OR6C2: variants seen among roughly 807,000 people sequenced by gnomAD.
OR6C2 encodes olfactory receptor family 6 subfamily C member 2, also known as olfactory receptor 6C2.
For synonymous variants in OR6C2, 146 were observed against 134.2 expected, an observed-to-expected ratio of 1.09 and a Z score of -0.61; for missense variants, 435 against 365.8, an observed-to-expected ratio of 1.19 and a Z score of -1.54.
At chr12:55,446,858 A>G (rs966795062) in intron 1 of OR6C2, among the ~76,000 whole-genome samples, 3 of 152,220 alleles carry the variant, frequency 2.0e-5, no homozygotes, top group Non-Finnish European at 4.4e-5. Flanking sequence ...GAGGCTGGTT[A>G]AACTCAAAGT....
intron 1 of OR6C2, among the ~76,000 whole-genome samples, chr12:55,448,645 A>AAAAAAAAAAAAAAAG (rs1555179342): frequency 4.6e-4 from 63 of 137,096 alleles, no homozygotes; most frequent in African/African-American, 1.4e-3. Flanking sequence ...ATTCACTGCA[A>AAAAAAAAAAAAAAAG]AAAAAAAAAA....
chr12:55,445,821 A>G (rs1471993764), intron 1 of OR6C2, among the ~76,000 whole-genome samples: 1 of 152,196 alleles, frequency 6.6e-6, no homozygotes, highest in Admixed American at 6.5e-5. Context: ...AAGGGCGGGC[A>G]ACAAACTTCC....
chr12:55,453,325 C>G lies in OR6C2; in HGVS notation c.*173C>G, dbSNP rs1247673619. 1 of 565,108 alleles carries G rather than the reference C, an allele frequency of 1.8e-6. No individual in the cohort carries two copies. Among genetic ancestry groups the G allele is most frequent in the African/African-American group, 1.9e-5 (1 of 53,182 alleles). The allele number at this position is 565,108 out of a possible 1,614,324, so 35.0% of individuals were successfully genotyped here. Reference sequence around the variant, plus strand: ...TATCAAAATCCTTATTATTTCGAACCAAGGTCATACATTGTGTTTTCCCTC... The same window carrying G: ...TATCAAAATCCTTATTATTTCGAACGAAGGTCATACATTGTGTTTTCCCTC... On this transcript the variant is annotated 3_prime_UTR_variant, in exon 2 of 2. Transcript: ENST00000641202.
In OR6C2 at chr12:55,452,895, T is replaced by C; in HGVS notation, c.682T>C (p.Ser228Pro). The change falls in exon 2 of 2, where the codon TCT becomes CCT. Residue 228 changes from serine to proline, a missense_variant. Ser to Pro is a moderately conservative substitution (Grantham distance 74). Transcript: ENST00000641202. Reference sequence around the variant, plus strand: ...AGTCAGAACAATTCTGAAGTTCCCTTCTGTTCAGCAAAGGAAAAAGGCCTT... The same window carrying C: ...AGTCAGAACAATTCTGAAGTTCCCTCCTGTTCAGCAAAGGAAAAAGGCCTT... ...YIVRTILKFPSVQQRKKAFST... is the reference protein window; with the variant it reads ...YIVRTILKFPPVQQRKKAFST... 1 of 1,613,854 alleles carries C rather than the reference T, an allele frequency of 6.2e-7. No individual in the cohort carries two copies. The highest frequency in any genetic ancestry group is 1.7e-4 in the Middle Eastern group (1 of 6,060).
At chr12:55,450,342 A>G (rs1198379948) in intron 1 of OR6C2, among the ~76,000 whole-genome samples, 1 of 152,128 alleles carries the variant, frequency 6.6e-6, no homozygotes, top group Non-Finnish European at 1.5e-5. Context: ...AAGAGCATGT[A>G]GAAAATTGAA....
chr12:55,446,780 C>T (rs780506472), intron 1 of OR6C2, among the ~76,000 whole-genome samples: 29 of 151,558 alleles, frequency 1.9e-4, no homozygotes, highest in Non-Finnish European at 3.8e-4. Context: ...CACTCTTAGT[C>T]AATACAATAT....
At chr12:55,446,212 A>G (rs533219151) in intron 1 of OR6C2, among the ~76,000 whole-genome samples, 24 of 151,700 alleles carry the variant, frequency 1.6e-4, no homozygotes, top group African/African-American at 5.8e-4. Flanking sequence ...TGCAATGGCG[A>G]GATCTTGGCT....
chr12:55,453,134 A>C lies in OR6C2; in HGVS notation c.921A>C (p.Ala307=). 2 of 1,611,466 alleles carry C rather than the reference A, an allele frequency of 1.2e-6. No individual in the cohort carries two copies. The highest frequency in any genetic ancestry group is 1.7e-6 in the Non-Finnish European group (2 of 1,178,572). ...QAFSDSIKRI[A]FLSKK Reference sequence around the variant, plus strand: ...TCAGTGACTCTATAAAGAGGATTGCATTTCTCTCAAAGAAGTAGAAGCTGT... The same window carrying C: ...TCAGTGACTCTATAAAGAGGATTGCCTTTCTCTCAAAGAAGTAGAAGCTGT... The change falls in exon 2 of 2, where the codon GCA becomes GCC. Residue 307 remains alanine, a synonymous_variant. Coordinates refer to ENST00000641202, the MANE Select transcript of OR6C2 (RefSeq NM_054105.2).
At chr12:55,449,442 A>G (rs1871426968) in intron 1 of OR6C2, among the ~76,000 whole-genome samples, 1 of 151,922 alleles carries the variant, frequency 6.6e-6, no homozygotes. Context: ...CAGAGAAAGA[A>G]CAAAGCTCCT....
rs1454211796 is a variant in OR6C2 at position 55,452,872 on chromosome 12, T to A, written c.659T>A (p.Val220Asp). The change falls in exon 2 of 2, where the codon GTC (valine) becomes GAC (aspartate). Residue 220 changes from valine (V) to aspartate (D), a missense_variant. Transcript: ENST00000641202. ...VCVILSYLYIVRTILKFPSVQ... is the reference protein window; with the variant it reads ...VCVILSYLYIDRTILKFPSVQ... ...GTGATTCTGTCCTACTTGTACATAG[T>A]CAGAACAATTCTGAAGTTCCCTTCT... 1.2e-6 allele frequency: 2 copies of A among 1,613,724 alleles called. No individual in the cohort carries two copies.
rs979435731 is a variant in OR6C2, at chr12:55,446,694, G to T, written c.-888+2535G>T. On this transcript the variant is annotated intron_variant, in intron 1 of 1. Transcript: ENST00000641202. Reference sequence around the variant, plus strand: ...AAAGAGGTTGGGAATTTAGAAAGTTGAGTGTGGAGAACAAAAGCTGTGGAG... The same window carrying T: ...AAAGAGGTTGGGAATTTAGAAAGTTTAGTGTGGAGAACAAAAGCTGTGGAG... Among the ~76,000 whole-genome samples the T allele has an allele frequency of 4.6e-5, 7 of 152,136 alleles. No homozygotes were observed. In the East Asian group the frequency reaches 1.4e-3, roughly 29 times the overall value.
At chr12:55,450,772 G>A (rs1871453313) in intron 1 of OR6C2, among the ~76,000 whole-genome samples, 1 of 152,034 alleles carries the variant, frequency 6.6e-6, no homozygotes, top group Non-Finnish European at 1.5e-5. Context: ...AGACTAAAAA[G>A]AGAAACAATA....
chr12:55,450,890 C>T (rs1349901995), intron 1 of OR6C2, among the ~76,000 whole-genome samples: 1 of 151,954 alleles, frequency 6.6e-6, no homozygotes, highest in Non-Finnish European at 1.5e-5. Context: ...GATTAAAAAC[C>T]TAAATGTGCC....
chr12:55,452,069 T>G lies in OR6C2; in HGVS notation c.-145T>G, dbSNP rs758684494. ...AAGGTTATTGGAACACTGGCAACAT[T>G]GATTATTCTATAAAGGGAGAAAATA... On this transcript the variant is annotated 5_prime_UTR_variant, in exon 2 of 2. It adds an upstream start codon to the 5' untranslated region. Coordinates refer to ENST00000641202, the MANE Select transcript of OR6C2 (RefSeq NM_054105.2). 9.4e-6 allele frequency: 5 copies of G among 534,006 alleles called. No individual in the cohort carries two copies. The highest frequency in any genetic ancestry group is 7.0e-5 in the South Asian group (2 of 28,598). 33.1% of individuals were successfully genotyped at this position (534,006 alleles called of 1,614,324 possible).
At position 55,453,210 on chromosome 12, in the gene OR6C2, A is replaced by G. The variant is rs960706594; in HGVS notation, c.*58A>G. On this transcript the variant is annotated 3_prime_UTR_variant, in exon 2 of 2. Transcript: ENST00000641202. Reference sequence around the variant, plus strand: ...GAAGGCTCCCTAAATGTCATCCTACAGCTTTTAACTTATTTCATTGCTTCC... The same window carrying G: ...GAAGGCTCCCTAAATGTCATCCTACGGCTTTTAACTTATTTCATTGCTTCC... 2 of 1,239,908 alleles carry G rather than the reference A, an allele frequency of 1.6e-6. No homozygotes were observed. The highest frequency in any genetic ancestry group is 1.5e-5 in the African/African-American group (1 of 65,716). 76.8% of individuals were successfully genotyped at this position (1,239,908 alleles called of 1,614,324 possible). A position where few individuals can be genotyped will look rare whatever the true frequency, so the allele number is the denominator to read the frequency against.
intron 1 of OR6C2, among the ~76,000 whole-genome samples, chr12:55,444,459 G>A (rs1012669224): frequency 6.6e-6 from 1 of 152,050 alleles, no homozygotes; most frequent in Non-Finnish European, 1.5e-5. Flanking sequence ...ATATTACATT[G>A]CTTATATTAC....
intron 1 of OR6C2, among the ~76,000 whole-genome samples, chr12:55,445,947 C>T (rs1017943928): frequency 8.5e-5 from 13 of 152,158 alleles, no homozygotes; most frequent in African/African-American, 3.1e-4. Context: ...TTGCCTATTT[C>T]CTGGCTAAAA....
chr12:55,447,763 C>T (rs1346150141), intron 1 of OR6C2, among the ~76,000 whole-genome samples: 5 of 151,962 alleles, frequency 3.3e-5, no homozygotes, highest in Non-Finnish European at 5.9e-5. Context: ...GGGTTGTTTC[C>T]ATATCTTGGT....
chr12:55,447,388 T>A (rs1478505250), intron 1 of OR6C2, among the ~76,000 whole-genome samples: 1 of 151,450 alleles, frequency 6.6e-6, no homozygotes, highest in Non-Finnish European at 1.5e-5. Flanking sequence ...CAGTGCACAA[T>A]AAGGTTTGTT....
Sources: allele counts gnomAD v4.1 joint callset (sites outside exome capture counted in the v4.1 genomes callset), GRCh38; gene constraint gnomAD v4.1.1; transcripts MANE v1.5; gene names NCBI Gene and HGNC (gene_info 2026-07-23, HGNC 2026-07-21).